DGKH: variants seen among roughly 807,000 people sequenced by gnomAD.
DGKH encodes DAG kinase eta.
Under a neutral mutation model 159.3 loss-of-function variants are expected in DGKH, and 90 were observed. That is an observed-to-expected ratio of 0.57 (90% CI 0.48 to 0.67). The LOEUF (loss-of-function observed/expected upper bound fraction) is 0.67. Among genes scored for constraint, DGKH ranks in the 30% least tolerant of loss-of-function variants. The pLI is 0.00. For synonymous variants in DGKH, 536 were observed against 553.8 expected, an observed-to-expected ratio of 0.97 and a Z score of 0.45; for missense variants, 1,181 against 1,506.1, an observed-to-expected ratio of 0.78 and a Z score of 3.57.
At chr13:42,073,883 G>C (rs1186795197) in intron 1 of DGKH, among the ~76,000 whole-genome samples, 3 of 152,162 alleles carry the variant, frequency 2.0e-5, no homozygotes, top group Non-Finnish European at 4.4e-5. Context: ...TGACAGTCGT[G>C]CACCAGGAAA....
At chr13:42,253,784 T>A (rs1176586389) in intron 30 of DGKH, among the ~76,000 whole-genome samples, 1 of 152,248 alleles carries the variant, frequency 6.6e-6, no homozygotes, top group East Asian at 1.9e-4. Flanking sequence ...TTTGCAGTTA[T>A]TTACAAAGGA....
chr13:42,126,925 A>G (rs1594062604), intron 1 of DGKH, among the ~76,000 whole-genome samples: 1 of 152,336 alleles, frequency 6.6e-6, no homozygotes, highest in Non-Finnish European at 1.5e-5. Context: ...ATGAGCACAT[A>G]CTATACACCA....
intron 1 of DGKH, among the ~76,000 whole-genome samples, chr13:42,114,090 ATAATAT>A (rs1316088119): frequency 6.6e-6 from 1 of 152,230 alleles, no homozygotes; most frequent in African/African-American, 2.4e-5. Flanking sequence ...CTCCACAAAG[ATAATAT>A]TAATGTGGAC....
chr13:42,225,001 A>T (rs1958085203), intron 29 of DGKH, among the ~76,000 whole-genome samples: 2 of 152,130 alleles, frequency 1.3e-5, no homozygotes, highest in South Asian at 4.1e-4. Flanking sequence ...GGCTCACTGC[A>T]GCCTCAACCT....
intron 20 of DGKH, among the ~76,000 whole-genome samples, chr13:42,203,684 G>A (rs1304124645): frequency 6.6e-6 from 1 of 152,032 alleles, no homozygotes; most frequent in Non-Finnish European, 1.5e-5. Context: ...GGATGGCTAG[G>A]GAGCCAGCTC....
At chr13:42,253,249 G>T (rs1313007510) in intron 30 of DGKH, among the ~76,000 whole-genome samples, 1 of 152,048 alleles carries the variant, frequency 6.6e-6, no homozygotes, top group East Asian at 1.9e-4. Context: ...TAGGTCATGA[G>T]AATGGAGTCC....
chr13:42,207,050 C>T (rs60377092), intron 21 of DGKH, among the ~76,000 whole-genome samples: 778 of 32,718 alleles, frequency 0.024, 124 homozygotes, highest in Middle Eastern at 0.056. Context: ...TCCTTCTTTC[C>T]TTCTTTCCTT....
chr13:42,138,175 G>C, intron 3 of DGKH: 1 of 914,246 alleles, frequency 1.1e-6, no homozygotes, highest in African/African-American at 1.8e-5. Flanking sequence ...GCAGGGCACA[G>C]CTAATATGGA....
intron 3 of DGKH, among the ~76,000 whole-genome samples, chr13:42,143,937 A>T (rs1475501620): frequency 1.3e-5 from 2 of 152,038 alleles, no homozygotes; most frequent in Non-Finnish European, 2.9e-5. Context: ...CTAACATCAC[A>T]ATTAAAAGAA....
At chr13:42,068,123 G>A (rs1882712231) in intron 1 of DGKH, among the ~76,000 whole-genome samples, 1 of 152,124 alleles carries the variant, frequency 6.6e-6, no homozygotes, top group Non-Finnish European at 1.5e-5. Flanking sequence ...AAATGAGTAT[G>A]TGGACCGCCT....
chr13:42,150,796 A>G (rs896460847), intron 3 of DGKH, among the ~76,000 whole-genome samples: 2 of 152,178 alleles, frequency 1.3e-5, no homozygotes, highest in African/African-American at 2.4e-5. Context: ...TGGACCCCCA[A>G]AGATGTTCAC....
chr13:42,141,536 A>G (rs148280947), intron 3 of DGKH, among the ~76,000 whole-genome samples: 34 of 152,250 alleles, frequency 2.2e-4, no homozygotes, highest in Non-Finnish European at 4.7e-4. Context: ...AAGTGTTCCT[A>G]TATCTCCACA....
At chr13:42,049,529 C>T (rs965055120) in intron 1 of DGKH, among the ~76,000 whole-genome samples, 1 of 152,258 alleles carries the variant, frequency 6.6e-6, no homozygotes, top group Non-Finnish European at 1.5e-5. Context: ...CTTTCCTGCC[C>T]CTCTGCCTCC....
intron 3 of DGKH, among the ~76,000 whole-genome samples, chr13:42,143,636 A>T (rs1955634960): frequency 6.6e-6 from 1 of 152,194 alleles, no homozygotes; most frequent in East Asian, 1.9e-4. Flanking sequence ...GGGAGGGTGT[A>T]TGTGTCGAGG....
intron 1 of DGKH, among the ~76,000 whole-genome samples, chr13:42,117,737 A>T (rs532944985): frequency 6.6e-6 from 1 of 152,358 alleles, no homozygotes; most frequent in East Asian, 1.9e-4. Context: ...TAATAATTCT[A>T]TAGAAAAAAC....
intron 5 of DGKH, among the ~76,000 whole-genome samples, chr13:42,157,698 A>T (rs764530078): frequency 6.6e-6 from 1 of 152,216 alleles, no homozygotes; most frequent in Non-Finnish European, 1.5e-5. Context: ...TTTTCAAAGT[A>T]CACAAAAGAG....
chr13:42,203,562 A>C (rs922368477), intron 20 of DGKH, among the ~76,000 whole-genome samples: 1 of 152,204 alleles, frequency 6.6e-6, no homozygotes, highest in Non-Finnish European at 1.5e-5. Flanking sequence ...TCTTCCCTCC[A>C]TATCAGATTG....
intron 1 of DGKH, among the ~76,000 whole-genome samples, chr13:42,107,083 C>G (rs150409988): frequency 6.6e-6 from 1 of 152,324 alleles, no homozygotes; most frequent in East Asian, 1.9e-4. Flanking sequence ...GCATCACACT[C>G]CTGTGTGAAT....
intron 1 of DGKH, among the ~76,000 whole-genome samples, chr13:42,105,102 A>G (rs1954722728): frequency 6.6e-6 from 1 of 152,112 alleles, no homozygotes; most frequent in East Asian, 1.9e-4. Flanking sequence ...CTATAATAGA[A>G]TACCTGAGAT....
Sources: allele counts gnomAD v4.1 joint callset (sites outside exome capture counted in the v4.1 genomes callset), GRCh38; gene constraint gnomAD v4.1.1; transcripts MANE v1.5; gene names NCBI Gene and HGNC (gene_info 2026-07-23, HGNC 2026-07-21).